PPP2R5E: variants seen among roughly 807,000 people sequenced by gnomAD.
PPP2R5E encodes the protein protein phosphatase 2 regulatory subunit B'epsilon, also known as serine/threonine-protein phosphatase 2A 56 kDa regulatory subunit epsilon isoform.
Under a neutral mutation model 65.3 loss-of-function variants are expected in PPP2R5E, and 4 were observed. The ratio of observed to expected loss-of-function variants is 0.06; its 90% confidence interval spans 0.03 to 0.14. The LOEUF (loss-of-function observed/expected upper bound fraction) is 0.14, where lower values mean the gene tolerates loss of function less well. PPP2R5E is among the 10% of genes least tolerant of loss of function. The pLI, the probability that PPP2R5E is intolerant of heterozygous loss-of-function variation, is 1.00. For missense variants in PPP2R5E, 274 were observed against 556.1 expected (o/e 0.49, Z 5.10); for synonymous variants, 183 against 187.4 (o/e 0.98, Z 0.19).
chr14:63,405,342 T>C lies in PPP2R5E; in HGVS notation c.550-8626A>G, dbSNP rs569873740. 4.6e-5 allele frequency among the ~76,000 whole-genome samples: 7 copies of C among 152,368 alleles called. No homozygotes were observed. In the East Asian group the frequency reaches 1.2e-3, roughly 25 times the overall value. Reference sequence around the variant, plus strand: ...GAGATTCAAGGCCTTGTGGAATTTATTTCAGTTTAGAACTAAAATTTTTTT... The same window carrying C: ...GAGATTCAAGGCCTTGTGGAATTTACTTCAGTTTAGAACTAAAATTTTTTT... On this transcript the variant is annotated intron_variant, in intron 5 of 13. Transcript: ENST00000337537.
At position 63,522,881 on chromosome 14, in the gene PPP2R5E, G is replaced by A. The variant is rs1286452483; in HGVS notation, c.157+16648C>T. Among the ~76,000 whole-genome samples, 374 of 147,780 alleles carry A rather than the reference G, an allele frequency of 2.5e-3. 1 individual carries two copies. The highest frequency in any genetic ancestry group is 9.0e-3 in the African/African-American group (361 of 40,150). ...GGTGGGGGGGGTCAGCCCCCCGCCC[G>A]GCCAGCCGCCCCGTCCGGGAGGGAG... On this transcript the variant is annotated intron_variant, in intron 2 of 13. Coordinates refer to ENST00000337537, the MANE Select transcript of PPP2R5E (RefSeq NM_006246.5).
At chr14:63,489,774 T>C (rs1209121996) in intron 2 of PPP2R5E, among the ~76,000 whole-genome samples, 4 of 149,622 alleles carry the variant, frequency 2.7e-5, no homozygotes, top group African/African-American at 9.8e-5. Context: ...AGAACGTTTC[T>C]ATCATGGTAT....
At chr14:63,490,044 A>C (rs1202894461) in intron 2 of PPP2R5E, among the ~76,000 whole-genome samples, 1 of 152,120 alleles carries the variant, frequency 6.6e-6, no homozygotes, top group African/African-American at 2.4e-5. Context: ...TAGTATATGA[A>C]TACCTAAGTC....
chr14:63,519,201 C>T (rs568170946), intron 2 of PPP2R5E, among the ~76,000 whole-genome samples: 4 of 151,210 alleles, frequency 2.6e-5, no homozygotes, highest in Admixed American at 1.3e-4. Flanking sequence ...GCAACAAGAG[C>T]GAGACTCCGT....
intron 8 of PPP2R5E, among the ~76,000 whole-genome samples, 179 bp downstream of exon 8, chr14:63,393,641 G>A (rs894158891): frequency 4.6e-5 from 7 of 152,108 alleles, no homozygotes; most frequent in Admixed American, 6.5e-5. Flanking sequence ...GAACCCGGGA[G>A]GTGGAGGCTG....
chr14:63,403,289 G>A (rs189581504), intron 5 of PPP2R5E, among the ~76,000 whole-genome samples: 14 of 151,014 alleles, frequency 9.3e-5, no homozygotes, highest in African/African-American at 3.2e-4. Context: ...TTAGTCTGGC[G>A]TGGTGGCATA....
intron 1 of PPP2R5E, among the ~76,000 whole-genome samples, chr14:63,542,044 C>CT (rs920974877): frequency 4.6e-5 from 7 of 152,314 alleles, no homozygotes; most frequent in Non-Finnish European, 7.4e-5. Context: ...CACTCTAACT[C>CT]TAACACTACA....
chr14:63,432,571 G>GT (rs1887732189), intron 3 of PPP2R5E, among the ~76,000 whole-genome samples: 1 of 152,126 alleles, frequency 6.6e-6, no homozygotes, highest in African/African-American at 2.4e-5. Flanking sequence ...AAAACTGAGT[G>GT]AAAGAAAGGA....
At chr14:63,410,250 A>C (rs1459310086) in intron 5 of PPP2R5E, among the ~76,000 whole-genome samples, 1 of 152,202 alleles carries the variant, frequency 6.6e-6, no homozygotes, top group Non-Finnish European at 1.5e-5. Flanking sequence ...ATCTGCCCAA[A>C]GAAAAGAAAC....
At chr14:63,377,703 T>C (rs1884070632) in intron 13 of PPP2R5E, among the ~76,000 whole-genome samples, 2 of 152,224 alleles carry the variant, frequency 1.3e-5, no homozygotes, top group Non-Finnish European at 2.9e-5. Flanking sequence ...ATAATTAGTT[T>C]CAGCTATCTC....
Position 63,374,678 on chromosome 14 carries a change from C to A in PPP2R5E, c.*1331G>T. ...ATATATATATATATATAAAATACAGCCCTAGATTTTGTTTTTTTTGTTTTT... is the reference window on the plus strand; with the variant it reads ...ATATATATATATATATAAAATACAGACCTAGATTTTGTTTTTTTTGTTTTT... On this transcript the variant is annotated 3_prime_UTR_variant, in exon 14 of 14. Transcript: ENST00000337537. 8.7e-6 allele frequency: 1 copy of A among 115,552 alleles called. No individual in the cohort carries two copies. The highest frequency in any genetic ancestry group is 1.6e-5 in the Non-Finnish European group (1 of 63,246). 7.2% of individuals were successfully genotyped at this position (115,552 alleles called of 1,614,324 possible).
chr14:63,421,666 C>T (rs143108306), intron 4 of PPP2R5E, among the ~76,000 whole-genome samples: 45 of 152,278 alleles, frequency 3.0e-4, no homozygotes, highest in Non-Finnish European at 1.5e-5. Flanking sequence ...CTAATCACAT[C>T]CAACTAATGC....
chr14:63,375,561 A>G lies in PPP2R5E; in HGVS notation c.*448T>C, dbSNP rs1410448169. ...CCAGAGGAGGATGTTACACAAACTT[A>G]TAAGGAAATGACAGTCTTTTTTTCT... is the stretch of plus-strand genomic sequence containing the variant. On this transcript the variant is annotated 3_prime_UTR_variant, in exon 14 of 14. Coordinates refer to ENST00000337537, the MANE Select transcript of PPP2R5E (RefSeq NM_006246.5). 1 of 152,856 alleles carries G rather than the reference A, an allele frequency of 6.5e-6. No homozygotes were observed. Among genetic ancestry groups the G allele is most frequent in the African/African-American group, 2.4e-5 (1 of 41,474 alleles). The allele number at this position is 152,856 out of a possible 1,614,324, so 9.5% of individuals were successfully genotyped here. A position where few individuals can be genotyped will look rare whatever the true frequency, so the allele number is the denominator to read the frequency against.
At chr14:63,448,720 C>T (rs143810956) in intron 3 of PPP2R5E, among the ~76,000 whole-genome samples, 2,997 of 137,874 alleles carry the variant, frequency 0.022, 81 homozygotes, top group African/African-American at 0.073. Context: ...ACCCCGGAGG[C>T]GGGAGGTTGC....
At chr14:63,518,787 T>A (rs1037149167) in intron 2 of PPP2R5E, among the ~76,000 whole-genome samples, 2 of 152,128 alleles carry the variant, frequency 1.3e-5, no homozygotes, top group Non-Finnish European at 2.9e-5. Context: ...AATGTTATTA[T>A]AAATAATCAC....
chr14:63,518,753 T>C (rs927647356), intron 2 of PPP2R5E, among the ~76,000 whole-genome samples: 13 of 152,160 alleles, frequency 8.5e-5, no homozygotes, highest in African/African-American at 3.1e-4. Context: ...ACAATAAGAC[T>C]ACCTCAAAGT....
At chr14:63,542,394 C>T (rs1285719799) in intron 1 of PPP2R5E, among the ~76,000 whole-genome samples, 3 of 151,788 alleles carry the variant, frequency 2.0e-5, no homozygotes, top group Non-Finnish European at 4.4e-5. Context: ...AGGGGTTTGT[C>T]TGTGGGGATG....
chr14:63,425,494 T>C (rs573749076), intron 3 of PPP2R5E, among the ~76,000 whole-genome samples: 2 of 152,134 alleles, frequency 1.3e-5, no homozygotes, highest in Non-Finnish European at 2.9e-5. Flanking sequence ...GACATGAAAG[T>C]AAACCATGAA....
At chr14:63,473,559 TA>T in intron 2 of PPP2R5E, among the ~76,000 whole-genome samples, 1 of 151,970 alleles carries the variant, frequency 6.6e-6, no homozygotes, top group Non-Finnish European at 1.5e-5. Flanking sequence ...TATACAAGAG[TA>T]AAACCTTCCG....
Sources: gnomAD v4.1 joint callset for allele counts (sites outside exome capture counted in the v4.1 genomes callset) on GRCh38, gnomAD v4.1.1 for gene constraint, MANE v1.5 for transcripts, NCBI Gene and HGNC (gene_info 2026-07-23, HGNC 2026-07-21) for gene names.